The following KIF26B variants were observed in gnomAD, a reference collection of about 807,000 sequenced individuals.
KIF26B encodes kinesin family member 26B.
KIF26B carries 63 observed loss-of-function variants against 151.2 expected under a neutral mutation model. The observed-to-expected ratio is 0.42, with a 90% CI of 0.34 to 0.51. The LOEUF (loss-of-function observed/expected upper bound fraction) is 0.51, where lower values mean the gene tolerates loss of function less well. Ranked by LOEUF, KIF26B falls within the 20% of genes least tolerant of loss-of-function variation. The pLI is 0.07. For synonymous variants in KIF26B, 1,357 were observed against 1,262.1 expected (o/e 1.08, Z -1.59); for missense variants, 2,813 against 2,913.6 (o/e 0.97, Z 0.79).
chr1:245,433,498 G>A (rs1460045551), intron 4 of KIF26B, among the ~76,000 whole-genome samples: 1 of 151,262 alleles, frequency 6.6e-6, no homozygotes, highest in Non-Finnish European at 1.5e-5. Context: ...AGAAGAAGAA[G>A]AAGTAAGAAG....
chr1:245,580,645 C>G (rs1428882856), intron 5 of KIF26B, among the ~76,000 whole-genome samples: 2 of 152,150 alleles, frequency 1.3e-5, no homozygotes, highest in Non-Finnish European at 2.9e-5. Context: ...TCCCTGGACA[C>G]CAGGAGAGTG....
At chr1:245,248,622 C>T (rs1014503011) in intron 2 of KIF26B, among the ~76,000 whole-genome samples, 6 of 152,218 alleles carry the variant, frequency 3.9e-5, no homozygotes, top group African/African-American at 4.8e-5. Flanking sequence ...GTGCTCTTCA[C>T]AGCAGGCTCC....
At chr1:245,662,492 T>C (rs1304044778) in intron 10 of KIF26B, among the ~76,000 whole-genome samples, 4 of 149,570 alleles carry the variant, frequency 2.7e-5, no homozygotes, top group African/African-American at 9.9e-5. Context: ...ACCCAATATA[T>C]ATATATGTAC....
Position 245,156,578 on chromosome 1 carries a change from C to A in KIF26B, c.360C>A (p.Ser120=). ...GCTCCGGCAGCGGCGGCGGCTCCTC[C>A]CCCGGCTCGGACCGCGGCGTCTGGT... The part of the protein sequence containing the change: ...SPGSGSGGGS[S]PGSDRGVWCE... Residue 120 remains serine, a synonymous_variant, in exon 2 of 15, where the codon TCC becomes TCA. Transcript: ENST00000407071. 6.5e-7 allele frequency: 1 copy of A among 1,528,946 alleles called. No individual in the cohort carries two copies. Among genetic ancestry groups the A allele is most frequent in the South Asian group, 1.2e-5 (1 of 83,636 alleles). 94.7% of individuals were successfully genotyped at this position (1,528,946 alleles called of 1,614,324 possible). A position where few individuals can be genotyped will look rare whatever the true frequency, so the allele number is the denominator to read the frequency against.
intron 2 of KIF26B, among the ~76,000 whole-genome samples, chr1:245,165,742 G>A (rs1160472587): frequency 6.6e-6 from 1 of 152,202 alleles, no homozygotes; most frequent in Non-Finnish European, 1.5e-5. Context: ...AACTGAGGAA[G>A]GAGTGAGCTT....
Position 245,597,494 on chromosome 1 carries a change from G to T in KIF26B, c.1351-5083G>T, listed in dbSNP as rs2043346497. 6.6e-6 allele frequency among the ~76,000 whole-genome samples: 1 copy of T among 152,172 alleles called. No homozygotes were observed. The highest frequency in any genetic ancestry group is 1.5e-5 in the Non-Finnish European group (1 of 68,034). On this transcript the variant is annotated intron_variant, in intron 5 of 14. Coordinates refer to ENST00000407071, the MANE Select transcript of KIF26B (RefSeq NM_018012.4). The surrounding 1 kb of genome is among the most constrained non-coding windows in gnomAD (Gnocchi z 4.6). ...TTGTAGGGTTTCTGCAGAGAGATCT[G>T]CTGTTAGTCTAGGGAAGATGGGCTT...
intron 5 of KIF26B, among the ~76,000 whole-genome samples, chr1:245,570,840 GTTATT>G (rs1417533984): frequency 6.6e-6 from 1 of 152,166 alleles, no homozygotes; most frequent in African/African-American, 2.4e-5. Context: ...TTTGTTTTAT[GTTATT>G]TTGTTTCCCA....
chr1:245,198,369 T>C lies in KIF26B; in HGVS notation c.465+41686T>C, dbSNP rs554556559. On this transcript the variant is annotated intron_variant, in intron 2 of 14. Transcript: ENST00000407071. ...GATAAAAGCATCTACCTCAAAGTTATTTAATATAGGGATTAAAATAAATAA... is the reference window on the plus strand; with the variant it reads ...GATAAAAGCATCTACCTCAAAGTTACTTAATATAGGGATTAAAATAAATAA... Among the ~76,000 whole-genome samples the C allele has an allele frequency of 5.9e-5, 9 of 152,376 alleles. No homozygotes were observed. In the East Asian group the frequency reaches 1.7e-3, roughly 29 times the overall value.
intron 4 of KIF26B, among the ~76,000 whole-genome samples, chr1:245,470,427 C>CTTTGTTTTTGTT (rs111747351): frequency 0.092 from 14,007 of 151,672 alleles, 696 homozygotes; most frequent in South Asian, 0.13. Context: ...CATAATGCCA[C>CTTTGTTTTTGTT]TTTGTTTTTG....
intron 2 of KIF26B, among the ~76,000 whole-genome samples, chr1:245,246,006 C>T (rs540548666): frequency 5.3e-5 from 8 of 150,000 alleles, no homozygotes; most frequent in South Asian, 4.2e-4. Context: ...GCAGGAGAAT[C>T]GCTTGAACCT....
chr1:245,498,036 C>T (rs1330041295), intron 4 of KIF26B, among the ~76,000 whole-genome samples: 2 of 152,208 alleles, frequency 1.3e-5, no homozygotes, highest in Non-Finnish European at 2.9e-5. Context: ...TATTATCATT[C>T]ATCTCAAACT....
In KIF26B at chr1:245,241,385, T is replaced by C. The variant is rs544335076; in HGVS notation, c.465+84702T>C. Among the ~76,000 whole-genome samples, 9 of 152,258 alleles carry C rather than the reference T, an allele frequency of 5.9e-5. No homozygotes were observed. In the South Asian group the frequency reaches 1.9e-3, roughly 32 times the overall value. On this transcript the variant is annotated intron_variant, in intron 2 of 14. Transcript: ENST00000407071. The surrounding 1 kb of genome is among the most constrained non-coding windows in gnomAD (Gnocchi z 5.0). ...TCTCCAGAGCCTGCTGGCTGGAGGT[T>C]GGCTGTCCGTGGTGGTCTGGTTCTA...
chr1:245,502,396 G>A (rs1443085488), intron 4 of KIF26B, among the ~76,000 whole-genome samples: 2 of 151,966 alleles, frequency 1.3e-5, no homozygotes, highest in African/African-American at 2.4e-5. Context: ...GTGTATTGGC[G>A]CACGCCTGTA....
chr1:245,645,978 T>A, intron 9 of KIF26B, 143 bp from the exon 10 acceptor site: 1 of 806,790 alleles, frequency 1.2e-6, no homozygotes, highest in Non-Finnish European at 1.9e-6. Flanking sequence ...GTGATTTTTC[T>A]GGGGTTTCCT....
At chr1:245,646,042 T>C in intron 9 of KIF26B, 79 bp from the exon 10 acceptor site, 1 of 1,467,334 alleles carries the variant, frequency 6.8e-7, no homozygotes. Context: ...GCCTCAGATT[T>C]CCCAAGGAGC....
At chr1:245,292,922 C>T (rs540548950) in intron 2 of KIF26B, among the ~76,000 whole-genome samples, 7 of 152,196 alleles carry the variant, frequency 4.6e-5, no homozygotes, top group Non-Finnish European at 8.8e-5. Flanking sequence ...GCTTCGGTGC[C>T]GTCCCTGCTC....
chr1:245,514,468 G>T (rs551953015), intron 4 of KIF26B, among the ~76,000 whole-genome samples: 1 of 152,060 alleles, frequency 6.6e-6, no homozygotes, highest in Non-Finnish European at 1.5e-5. Context: ...GGAAGAAGTT[G>T]CAGTGAGCCA....
Position 245,204,131 on chromosome 1 carries a change from C to T in KIF26B, c.465+47448C>T, listed in dbSNP as rs111242188. 4.7e-3 allele frequency among the ~76,000 whole-genome samples: 709 copies of T among 152,248 alleles called. 6 individuals carry two copies. The highest frequency in any genetic ancestry group is 0.016 in the African/African-American group (684 of 41,542). ...GTCCTTCTGCAGTCATTGTCCTGCA[C>T]GGCTCAGGTGGCAGTGACATACTGG... On this transcript the variant is annotated intron_variant, in intron 2 of 14. Transcript: ENST00000407071.
chr1:245,552,489 C>T (rs12049461), intron 5 of KIF26B, among the ~76,000 whole-genome samples: 2 of 151,794 alleles, frequency 1.3e-5, no homozygotes, highest in East Asian at 3.9e-4. Flanking sequence ...GCCAAATTGA[C>T]ACATTACCAT....
Sources: gnomAD v4.1 joint callset for allele counts (sites outside exome capture counted in the v4.1 genomes callset) on GRCh38, gnomAD v4.1.1 for gene constraint, Gnocchi (gnomAD v3.1) non-coding constraint, MANE v1.5 for transcripts, NCBI Gene and HGNC (gene_info 2026-07-23, HGNC 2026-07-21) for gene names.